The following KAZN variants were observed in gnomAD, a reference collection of about 807,000 sequenced individuals.
The protein encoded by KAZN is kazrin.
In KAZN, 40 loss-of-function variants were observed where a neutral mutation model predicts 87.4. That is an observed-to-expected ratio of 0.46 (90% CI 0.36 to 0.60). The LOEUF (loss-of-function observed/expected upper bound fraction) is 0.60. KAZN is among the 20% of genes least tolerant of loss of function. The pLI is 0.00. For synonymous variants in KAZN, 466 were observed against 458.3 expected, an observed-to-expected ratio of 1.02 and a Z score of -0.22; for missense variants, 898 against 1,073.9, an observed-to-expected ratio of 0.84 and a Z score of 2.29.
intron 2 of KAZN, among the ~76,000 whole-genome samples, chr1:14,406,366 A>T (rs1039298922): frequency 4.6e-5 from 7 of 152,240 alleles, no homozygotes; most frequent in African/African-American, 1.7e-4. Flanking sequence ...GCCATAAAAA[A>T]AGAATGAGTT....
At chr1:14,195,511 T>TCTCA (rs71570187) in intron 2 of KAZN, among the ~76,000 whole-genome samples, 3 of 146,090 alleles carry the variant, frequency 2.1e-5, no homozygotes, top group Non-Finnish European at 3.0e-5. Context: ...CAAAAACGGC[T>TCTCA]CACACACACA....
chr1:14,548,125 G>C (rs1673282074), intron 2 of KAZN, among the ~76,000 whole-genome samples: 1 of 151,190 alleles, frequency 6.6e-6, no homozygotes, highest in African/African-American at 2.4e-5. Context: ...CGCATTCAAA[G>C]CCACCCTGGG....
At chr1:14,653,531 A>G (rs1638585501) in intron 1 of KAZN, among the ~76,000 whole-genome samples, 1 of 152,204 alleles carries the variant, frequency 6.6e-6, no homozygotes, top group South Asian at 2.1e-4. Flanking sequence ...GGAAGCCCGG[A>G]CTTTGTAGGA....
rs544141548 is a variant in KAZN, at chr1:14,936,981, T to C, written c.227-23703T>C. ...TCATTCCTACCCTTCACCTTGCTAG[T>C]TCTTGCCTCTGTTATCTTCCCACCC... On this transcript the variant is annotated intron_variant, in intron 1 of 14. Coordinates refer to ENST00000376030, the MANE Select transcript of KAZN (RefSeq NM_201628.3). 2.0e-5 allele frequency among the ~76,000 whole-genome samples: 3 copies of C among 152,342 alleles called. No individual in the cohort carries two copies. In the East Asian group the frequency reaches 5.8e-4, roughly 29 times the overall value.
chr1:14,461,341 C>T (rs899692987), intron 2 of KAZN, among the ~76,000 whole-genome samples: 2 of 152,026 alleles, frequency 1.3e-5, no homozygotes, highest in South Asian at 2.1e-4. Context: ...GGGCAGTTCC[C>T]GCATACTGTT....
At chr1:15,087,797 G>A (rs921506984) in intron 8 of KAZN, among the ~76,000 whole-genome samples, 5 of 152,198 alleles carry the variant, frequency 3.3e-5, no homozygotes, top group African/African-American at 1.2e-4. Flanking sequence ...ACATGGGCCC[G>A]CAGGGGACAG....
chr1:14,571,561 GAAC>G (rs2148545634), intron 2 of KAZN, among the ~76,000 whole-genome samples: 1 of 152,254 alleles, frequency 6.6e-6, no homozygotes, highest in South Asian at 2.1e-4. Context: ...TATGCTGTTT[GAAC>G]CTTGCAAGTG....
At chr1:15,075,065 C>G (rs1279766749) in intron 8 of KAZN, among the ~76,000 whole-genome samples, 3 of 152,190 alleles carry the variant, frequency 2.0e-5, no homozygotes, top group Non-Finnish European at 2.9e-5. Context: ...TTAGCCCAAG[C>G]TGCAGGGGCC....
intron 1 of KAZN, among the ~76,000 whole-genome samples, chr1:14,640,741 T>C (rs1343128847): frequency 6.6e-6 from 1 of 152,224 alleles, no homozygotes. Flanking sequence ...ACTTTGCACA[T>C]GCCATTTGTT....
At chr1:15,048,624 C>T (rs1263425451) in intron 4 of KAZN, among the ~76,000 whole-genome samples, 2 of 145,364 alleles carry the variant, frequency 1.4e-5, no homozygotes, top group African/African-American at 5.4e-5. Flanking sequence ...GGTCCTGGGT[C>T]GTCGGTCCTG....
chr1:14,445,834 C>T (rs537034886), intron 2 of KAZN, among the ~76,000 whole-genome samples: 160 of 152,208 alleles, frequency 1.1e-3, no homozygotes, highest in African/African-American at 1.8e-3. Flanking sequence ...TTGTCTCTAG[C>T]GCAGGCTCCC....
chr1:14,711,310 C>A (rs1642473345), intron 1 of KAZN, among the ~76,000 whole-genome samples: 1 of 148,908 alleles, frequency 6.7e-6, no homozygotes, highest in Non-Finnish European at 1.5e-5. Context: ...AGTTCGAGAC[C>A]AACCTGGGCA....
At chr1:14,741,235 A>G (rs1644090038) in intron 1 of KAZN, among the ~76,000 whole-genome samples, 1 of 152,212 alleles carries the variant, frequency 6.6e-6, no homozygotes. Context: ...CATAATCCAG[A>G]AGAGGAACTC....
chr1:13,896,949 G>T (rs965233643), intron 1 of KAZN, among the ~76,000 whole-genome samples: 2 of 152,130 alleles, frequency 1.3e-5, no homozygotes, highest in South Asian at 2.1e-4. Flanking sequence ...ACCAATAAAA[G>T]CTTTGACCCA....
In KAZN at chr1:14,940,120, A is replaced by G. The variant is rs551691136; in HGVS notation, c.227-20564A>G. Among the ~76,000 whole-genome samples, 3 of 152,240 alleles carry G rather than the reference A, an allele frequency of 2.0e-5. No homozygotes were observed. The East Asian group carries it at 5.8e-4, about 29-fold the overall frequency. Reference sequence around the variant, plus strand: ...TCTTGGTTCAGTCAGCTGCCTCTGTAAGAGTGGGCGGGGTACTTGGTATAG... The same window carrying G: ...TCTTGGTTCAGTCAGCTGCCTCTGTGAGAGTGGGCGGGGTACTTGGTATAG... On this transcript the variant is annotated intron_variant, in intron 1 of 14. Coordinates refer to ENST00000376030, the MANE Select transcript of KAZN (RefSeq NM_201628.3).
intron 2 of KAZN, among the ~76,000 whole-genome samples, chr1:14,503,902 T>G (rs1248019815): frequency 2.6e-5 from 4 of 152,112 alleles, no homozygotes; most frequent in African/African-American, 7.2e-5. Context: ...CATCATGGTA[T>G]CTAAACAGCC....
intron 1 of KAZN, among the ~76,000 whole-genome samples, chr1:14,089,042 C>T (rs545053000): frequency 1.8e-4 from 27 of 149,786 alleles, no homozygotes; most frequent in African/African-American, 6.6e-4. Context: ...AATTTTAGGT[C>T]TACAGCAAAA....
At chr1:14,966,618 G>A (rs747263893) in intron 2 of KAZN, among the ~76,000 whole-genome samples, 4 of 152,164 alleles carry the variant, frequency 2.6e-5, no homozygotes, top group Non-Finnish European at 5.9e-5. Flanking sequence ...TTTGTACTCT[G>A]CTACGTTAAA....
chr1:14,096,036 G>A lies in KAZN; in HGVS notation c.92-84399G>A, dbSNP rs184671239. On this transcript the variant is annotated intron_variant, in intron 1 of 16. Transcript: ENST00000636203. Reference sequence around the variant, plus strand: ...AAATTGCTTCTTATAGGCTAAAAATGGTAGAATAGTAGCAATTTCATATGG... The same window carrying A: ...AAATTGCTTCTTATAGGCTAAAAATAGTAGAATAGTAGCAATTTCATATGG... Among the ~76,000 whole-genome samples the A allele has an allele frequency of 3.5e-3, 528 of 152,218 alleles. 3 individuals carry two copies. The highest frequency in any genetic ancestry group is 0.02 in the Middle Eastern group (6 of 294).
Sources: gnomAD v4.1 joint callset for allele counts (sites outside exome capture counted in the v4.1 genomes callset) on GRCh38, gnomAD v4.1.1 for gene constraint, MANE v1.5 for transcripts, NCBI Gene and HGNC (gene_info 2026-07-23, HGNC 2026-07-21) for gene names.